Variants in PTPRD observed in about 807,000 individuals in gnomAD.
PTPRD encodes the protein receptor-type tyrosine-protein phosphatase delta.
PTPRD carries 34 observed loss-of-function variants against 214.5 expected under a neutral mutation model. The observed-to-expected ratio is 0.16, with a 90% CI of 0.12 to 0.21. The LOEUF is 0.21. Ranked by LOEUF, PTPRD falls within the 10% of genes least tolerant of loss-of-function variation. The pLI is 1.00. For synonymous variants in PTPRD, 1,128 were observed against 845.7 expected (o/e 1.33, Z -5.79); for missense variants, 2,545 against 2,398.7 (o/e 1.06, Z -1.27).
intron 4 of PTPRD, 144 bp downstream of exon 4, chr9:10,033,574 T>A (rs952132713): frequency 2.0e-5 from 3 of 152,086 alleles, no homozygotes; most frequent in East Asian, 1.9e-4. Context: ...CATATTATAA[T>A]TATTTTTAAA....
intron 5 of PTPRD, among the ~76,000 whole-genome samples, chr9:9,783,176 CTGTT>C (rs2098873410): frequency 1.3e-5 from 2 of 152,120 alleles, no homozygotes; most frequent in African/African-American, 2.4e-5. Context: ...AAAAGTAAAG[CTGTT>C]TGTTTTTGAT....
intron 9 of PTPRD, among the ~76,000 whole-genome samples, chr9:9,281,743 CTTTGTATTT>C (rs1285599619): frequency 6.6e-6 from 1 of 151,164 alleles, no homozygotes; most frequent in African/African-American, 2.4e-5. Flanking sequence ...AATCACACTC[CTTTGTATTT>C]ACTCAAGTAA....
intron 3 of PTPRD, among the ~76,000 whole-genome samples, chr9:10,218,887 A>T (rs939592227): frequency 1.1e-4 from 17 of 151,850 alleles, no homozygotes; most frequent in African/African-American, 4.1e-4. Flanking sequence ...ATAGAACACA[A>T]GTCTTGAAGT....
chr9:10,387,918 C>T (rs1414135210), intron 2 of PTPRD, among the ~76,000 whole-genome samples: 2 of 145,220 alleles, frequency 1.4e-5, no homozygotes, highest in African/African-American at 5.1e-5. Context: ...GCCTCGGCCT[C>T]CCAAAGTGCT....
At chr9:9,918,092 T>C (rs1252430715) in intron 5 of PTPRD, among the ~76,000 whole-genome samples, 1 of 151,706 alleles carries the variant, frequency 6.6e-6, no homozygotes, top group African/African-American at 2.4e-5. Flanking sequence ...GGAATACAAA[T>C]TGGAAAGAAA....
At chr9:10,506,511 G>A (rs1335334433) in intron 2 of PTPRD, among the ~76,000 whole-genome samples, 3 of 152,076 alleles carry the variant, frequency 2.0e-5, no homozygotes, top group African/African-American at 7.2e-5. Context: ...AAGGATAAAT[G>A]CTTGAGGTGA....
intron 2 of PTPRD, among the ~76,000 whole-genome samples, chr9:10,511,263 A>C (rs2047913099): frequency 6.6e-6 from 1 of 152,160 alleles, no homozygotes. Context: ...ATATGTTTCT[A>C]ATTCTCTCAG....
chr9:9,567,299 A>G (rs2084882238), intron 8 of PTPRD, among the ~76,000 whole-genome samples: 1 of 151,904 alleles, frequency 6.6e-6, no homozygotes. Context: ...TATTGAGAGA[A>G]CAGGATGGGT....
At chr9:9,309,479 A>G (rs1471740242) in intron 9 of PTPRD, among the ~76,000 whole-genome samples, 1 of 152,206 alleles carries the variant, frequency 6.6e-6, no homozygotes. Context: ...CTGCATTAAA[A>G]TACATATTCT....
At chr9:10,557,157 G>A (rs1350117002) in intron 2 of PTPRD, among the ~76,000 whole-genome samples, 1 of 152,010 alleles carries the variant, frequency 6.6e-6, no homozygotes, top group Non-Finnish European at 1.5e-5. Context: ...AGAAATAACA[G>A]AAGATTTATA....
chr9:10,409,831 C>T (rs1422988615), intron 2 of PTPRD, among the ~76,000 whole-genome samples: 3 of 151,656 alleles, frequency 2.0e-5, no homozygotes, highest in Non-Finnish European at 2.9e-5. Context: ...TTACTAACAG[C>T]CAGCACCACA....
chr9:9,514,388 A>C (rs2096784610), intron 8 of PTPRD, among the ~76,000 whole-genome samples: 1 of 152,082 alleles, frequency 6.6e-6, no homozygotes, highest in Non-Finnish European at 1.5e-5. Flanking sequence ...GTCAGTTTGG[A>C]GCTGTGTGTG....
At chr9:8,989,455 A>C (rs1167494701) in intron 11 of PTPRD, among the ~76,000 whole-genome samples, 1 of 152,056 alleles carries the variant, frequency 6.6e-6, no homozygotes, top group African/African-American at 2.4e-5. Context: ...AGAATATGTG[A>C]TATTTGTTTT....
At chr9:8,996,396 AT>A (rs2099396814) in intron 11 of PTPRD, among the ~76,000 whole-genome samples, 1 of 152,114 alleles carries the variant, frequency 6.6e-6, no homozygotes, top group Non-Finnish European at 1.5e-5. Context: ...GGATGATTAC[AT>A]TTATATGATG....
chr9:9,172,894 T>G (rs1453347949), intron 10 of PTPRD, among the ~76,000 whole-genome samples: 1 of 152,164 alleles, frequency 6.6e-6, no homozygotes, highest in Non-Finnish European at 1.5e-5. Context: ...CCTAAATGAT[T>G]CTCTTAAAAT....
At chr9:9,888,020 C>G (rs893883226) in intron 5 of PTPRD, among the ~76,000 whole-genome samples, 3 of 152,090 alleles carry the variant, frequency 2.0e-5, no homozygotes, top group East Asian at 3.9e-4. Context: ...AGACAATGAC[C>G]TGGGGAAACT....
At position 9,365,911 on chromosome 9, in the gene PTPRD, G is replaced by A. The variant is rs144445321; in HGVS notation, c.-203+31538C>T. 5.7e-3 allele frequency among the ~76,000 whole-genome samples: 857 copies of A among 151,390 alleles called. 9 individuals carry two copies. The highest frequency in any genetic ancestry group is 0.02 in the African/African-American group (819 of 41,380). On this transcript the variant is annotated intron_variant, in intron 9 of 45. Transcript: ENST00000381196. ...AAATTAATTCATTCATTAGAATTGT[G>A]GTAACTGAACATAGTTACAAGAAAA...
chr9:10,053,591 C>G (rs2097571528), intron 3 of PTPRD, among the ~76,000 whole-genome samples: 1 of 152,108 alleles, frequency 6.6e-6, no homozygotes, highest in Non-Finnish European at 1.5e-5. Context: ...CATAAATGAA[C>G]AGCAGTTGAA....
chr9:9,668,646 A>G (rs550580985), intron 7 of PTPRD, among the ~76,000 whole-genome samples: 2 of 152,120 alleles, frequency 1.3e-5, no homozygotes, highest in African/African-American at 4.8e-5. Flanking sequence ...TAAGCCATAA[A>G]CTTGCCCCTG....
Sources: gnomAD v4.1 joint callset for allele counts (sites outside exome capture counted in the v4.1 genomes callset) on GRCh38, gnomAD v4.1.1 for gene constraint, MANE v1.5 for transcripts, NCBI Gene and HGNC (gene_info 2026-07-23, HGNC 2026-07-21) for gene names.